The following GRM8 variants were observed in gnomAD, a reference collection of about 807,000 sequenced individuals.
The protein encoded by GRM8 is metabotropic glutamate receptor 8.
GRM8 carries 47 observed loss-of-function variants against 87.2 expected under a neutral mutation model. The ratio of observed to expected loss-of-function variants is 0.54; its 90% CI spans 0.43 to 0.69. The LOEUF (loss-of-function observed/expected upper bound fraction) is 0.69, where lower values mean the gene tolerates loss of function less well. Among genes scored for constraint, GRM8 ranks in the 30% least tolerant of loss-of-function variants. The probability of loss-of-function intolerance (pLI) is 0.00; values close to 1 mark genes in which losing one functional copy is unlikely to be tolerated. For synonymous variants in GRM8, 396 were observed against 404.5 expected (o/e 0.98, Z 0.25); for missense variants, 1,019 against 1,139.2 (o/e 0.89, Z 1.52).
chr7:126,984,117 T>C (rs534078053), intron 3 of GRM8, among the ~76,000 whole-genome samples: 1 of 152,374 alleles, frequency 6.6e-6, no homozygotes, highest in South Asian at 2.1e-4. Flanking sequence ...TTGTTAACTC[T>C]ATGGAATAGC....
chr7:126,621,582 C>A (rs1222244496), intron 7 of GRM8, among the ~76,000 whole-genome samples: 1 of 151,986 alleles, frequency 6.6e-6, no homozygotes, highest in Non-Finnish European at 1.5e-5. Flanking sequence ...CCATGCCTGG[C>A]CAATTTTTGT....
intron 6 of GRM8, among the ~76,000 whole-genome samples, chr7:126,856,095 G>GTT (rs940068156): frequency 6.6e-6 from 1 of 151,268 alleles, no homozygotes; most frequent in Non-Finnish European, 1.5e-5. Flanking sequence ...AAAAATCTAC[G>GTT]TTTTTTTTCC....
At chr7:126,695,935 A>C (rs1209454701) in intron 7 of GRM8, among the ~76,000 whole-genome samples, 2 of 152,148 alleles carry the variant, frequency 1.3e-5, no homozygotes, top group Admixed American at 6.5e-5. Flanking sequence ...AAAGATATTA[A>C]AGAGCCATAA....
intron 3 of GRM8, among the ~76,000 whole-genome samples, chr7:127,001,847 T>C (rs914384988): frequency 2.0e-5 from 3 of 151,640 alleles, no homozygotes; most frequent in African/African-American, 4.8e-5. Context: ...GGAATACTAC[T>C]AGGCAATGAT....
intron 7 of GRM8, among the ~76,000 whole-genome samples, chr7:126,762,126 A>C (rs898883371): frequency 1.3e-5 from 2 of 152,218 alleles, no homozygotes; most frequent in Non-Finnish European, 2.9e-5. Flanking sequence ...TCTTGTAAAA[A>C]TTAGGTACCT....
At chr7:127,247,452 A>G (rs907142906) in intron 1 of GRM8, among the ~76,000 whole-genome samples, 2 of 152,254 alleles carry the variant, frequency 1.3e-5, no homozygotes, top group Non-Finnish European at 2.9e-5. Context: ...GCTCTTTAAC[A>G]AAAAGGTTAA....
chr7:127,119,487 C>T (rs1477322563), intron 2 of GRM8, among the ~76,000 whole-genome samples: 2 of 150,126 alleles, frequency 1.3e-5, no homozygotes, highest in Admixed American at 1.3e-4. Context: ...TCCTGTCTCT[C>T]TCTCTCTCTC....
chr7:127,188,527 T>G (rs1794853911), intron 2 of GRM8, among the ~76,000 whole-genome samples: 1 of 152,134 alleles, frequency 6.6e-6, no homozygotes, highest in Non-Finnish European at 1.5e-5. Context: ...ACACTCACCT[T>G]GAAAAAAACC....
intron 3 of GRM8, among the ~76,000 whole-genome samples, chr7:127,048,332 C>A (rs1442274470): frequency 6.6e-6 from 1 of 152,100 alleles, no homozygotes; most frequent in African/African-American, 2.4e-5. Flanking sequence ...ACAGATGAAG[C>A]AGAGAGAATA....
chr7:126,855,359 A>C, intron 6 of GRM8, among the ~76,000 whole-genome samples: 1 of 152,164 alleles, frequency 6.6e-6, no homozygotes, highest in East Asian at 1.9e-4. Context: ...CATACTGTTA[A>C]TCTCATTCTA....
intron 3 of GRM8, among the ~76,000 whole-genome samples, chr7:126,945,206 C>T (rs1364521684): frequency 6.6e-6 from 1 of 152,050 alleles, no homozygotes; most frequent in Non-Finnish European, 1.5e-5. Flanking sequence ...AATACAAAAC[C>T]TAAATATTAA....
chr7:126,731,834 A>C (rs1380861729), intron 7 of GRM8, among the ~76,000 whole-genome samples: 1 of 152,054 alleles, frequency 6.6e-6, no homozygotes, highest in Non-Finnish European at 1.5e-5. Flanking sequence ...AAATATCCAT[A>C]AATAAAAAAT....
chr7:126,472,111 T>A (rs1478568863), intron 9 of GRM8, among the ~76,000 whole-genome samples: 3 of 152,174 alleles, frequency 2.0e-5, no homozygotes, highest in Non-Finnish European at 2.9e-5. Context: ...GTTTTCTAGA[T>A]ATACAATCAT....
chr7:127,192,947 T>C (rs1795098745), intron 2 of GRM8, among the ~76,000 whole-genome samples: 1 of 152,180 alleles, frequency 6.6e-6, no homozygotes, highest in Non-Finnish European at 1.5e-5. Flanking sequence ...ACCTATATTT[T>C]ACTCATCTTT....
intron 7 of GRM8, among the ~76,000 whole-genome samples, chr7:126,764,350 C>A (rs1227465617): frequency 6.6e-6 from 1 of 151,878 alleles, no homozygotes; most frequent in African/African-American, 2.4e-5. Flanking sequence ...GTATTTGTAA[C>A]ATAAATTAGG....
At chr7:127,035,627 C>T (rs1817779378) in intron 3 of GRM8, among the ~76,000 whole-genome samples, 2 of 152,176 alleles carry the variant, frequency 1.3e-5, no homozygotes, top group African/African-American at 4.8e-5. Context: ...ACCTTCAGCA[C>T]AGTGATGAGC....
intron 7 of GRM8, among the ~76,000 whole-genome samples, chr7:126,659,987 C>A (rs1804968407): frequency 6.6e-6 from 1 of 152,020 alleles, no homozygotes; most frequent in Non-Finnish European, 1.5e-5. Flanking sequence ...TTTAAAATAT[C>A]ATTGATTTGT....
chr7:127,025,852 G>A (rs1816725276), intron 3 of GRM8, among the ~76,000 whole-genome samples: 1 of 151,752 alleles, frequency 6.6e-6, no homozygotes, highest in Non-Finnish European at 1.5e-5. Flanking sequence ...ATCATTTCTA[G>A]GTGATTTATA....
At chr7:126,514,130 G>C (rs1244748955) in intron 9 of GRM8, among the ~76,000 whole-genome samples, 6 of 152,130 alleles carry the variant, frequency 3.9e-5, no homozygotes, top group Non-Finnish European at 7.4e-5. Flanking sequence ...GTATCCCAGT[G>C]CCTATGGAGA....
Sources: gnomAD v4.1 joint callset for allele counts (sites outside exome capture counted in the v4.1 genomes callset) on GRCh38, gnomAD v4.1.1 for gene constraint, MANE v1.5 for transcripts, NCBI Gene and HGNC (gene_info 2026-07-23, HGNC 2026-07-21) for gene names.